The following DGKG variants were observed in gnomAD, a reference collection of about 807,000 sequenced individuals.
DGKG encodes the protein diacylglycerol kinase gamma.
Under a neutral mutation model 105.3 loss-of-function variants are expected in DGKG, and 78 were observed. That is an observed-to-expected ratio of 0.74 (90% CI 0.62 to 0.89). The LOEUF (loss-of-function observed/expected upper bound fraction) is 0.89. DGKG is among the 40% of genes least tolerant of loss of function. DGKG has a pLI of 0.00. For synonymous variants in DGKG, 346 were observed against 367.1 expected (o/e 0.94, Z 0.66); for missense variants, 958 against 1,020.1 (o/e 0.94, Z 0.83).
chr3:186,344,447 G>T (rs1726234786), intron 1 of DGKG, among the ~76,000 whole-genome samples: 1 of 152,170 alleles, frequency 6.6e-6, no homozygotes, highest in Non-Finnish European at 1.5e-5. Flanking sequence ...ATGGATGCAG[G>T]AACATGGATG....
chr3:186,214,324 G>A (rs1719177470), intron 20 of DGKG, among the ~76,000 whole-genome samples: 1 of 152,150 alleles, frequency 6.6e-6, no homozygotes, highest in Non-Finnish European at 1.5e-5. Context: ...GCTTCAAGAG[G>A]TAGTTGAAAA....
At chr3:186,329,068 C>G (rs1725483128) in intron 1 of DGKG, among the ~76,000 whole-genome samples, 1 of 152,150 alleles carries the variant, frequency 6.6e-6, no homozygotes, top group Admixed American at 6.5e-5. Flanking sequence ...TCCATCACTC[C>G]CCTCTCAGAG....
chr3:186,277,443 G>C (rs1722638600), intron 9 of DGKG, among the ~76,000 whole-genome samples: 1 of 152,222 alleles, frequency 6.6e-6, no homozygotes, highest in African/African-American at 2.4e-5. Flanking sequence ...TCAGACTTGG[G>C]TCTTTTGCTG....
chr3:186,335,286 A>T (rs1725779343), intron 1 of DGKG, among the ~76,000 whole-genome samples: 1 of 152,174 alleles, frequency 6.6e-6, no homozygotes, highest in African/African-American at 2.4e-5. Flanking sequence ...CATATTGGTT[A>T]GGCTGGTCTC....
intron 22 of DGKG, among the ~76,000 whole-genome samples, chr3:186,172,970 G>A (rs1304691014): frequency 1.3e-5 from 2 of 152,236 alleles, no homozygotes; most frequent in Admixed American, 1.3e-4. Flanking sequence ...AGGTCAAAGT[G>A]CCAGCAGGGT....
chr3:186,194,097 G>A (rs1186413835), intron 21 of DGKG, among the ~76,000 whole-genome samples: 1 of 152,242 alleles, frequency 6.6e-6, no homozygotes, highest in Non-Finnish European at 1.5e-5. Flanking sequence ...TGCCGGCCAC[G>A]TTCAACTGTG....
chr3:186,248,227 T>G (rs1721038816), intron 19 of DGKG, among the ~76,000 whole-genome samples: 1 of 152,132 alleles, frequency 6.6e-6, no homozygotes, highest in Non-Finnish European at 1.5e-5. Flanking sequence ...GGGAACCATG[T>G]TTTTGTCAGC....
chr3:186,210,564 G>A lies in DGKG; in HGVS notation c.1917+1231C>T, dbSNP rs1578669869. ...CCGAAGAGGAGAGGCAGGCAGATGA[G>A]TCAAATGCAGCCGCACAGAACCTCT... is the stretch of plus-strand genomic sequence containing the variant. On this transcript the variant is annotated intron_variant, in intron 21 of 24. Transcript: ENST00000265022. The surrounding 1 kb of genome is among the most constrained non-coding windows in gnomAD (Gnocchi z 5.2). 7 of 453,412 alleles carry A rather than the reference G, an allele frequency of 1.5e-5. No individual in the cohort carries two copies. The highest frequency in any genetic ancestry group is 6.4e-4 in the Middle Eastern group (1 of 1,568). 28.1% of individuals were successfully genotyped at this position (453,412 alleles called of 1,614,324 possible).
At chr3:186,216,808 G>A (rs766584228) in intron 20 of DGKG, among the ~76,000 whole-genome samples, 15 of 152,220 alleles carry the variant, frequency 9.9e-5, no homozygotes, top group South Asian at 2.1e-4. Flanking sequence ...GCCCTTGTTG[G>A]AGGACCGTTG....
At chr3:186,297,057 GTCTGTC>G (rs1374479502) in intron 5 of DGKG, among the ~76,000 whole-genome samples, 8 of 80,912 alleles carry the variant, frequency 9.9e-5, no homozygotes, top group African/African-American at 3.8e-4. Flanking sequence ...CTGTCTGTCT[GTCTGTC>G]TCTCTCACAC....
At chr3:186,254,918 C>T (rs765840134) in intron 17 of DGKG, among the ~76,000 whole-genome samples, 7 of 152,218 alleles carry the variant, frequency 4.6e-5, no homozygotes, top group Non-Finnish European at 8.8e-5. Flanking sequence ...TGCCTTTCTC[C>T]CTAGCCTCAT....
chr3:186,243,581 C>T (rs1720788919), intron 19 of DGKG, among the ~76,000 whole-genome samples: 3 of 152,158 alleles, frequency 2.0e-5, no homozygotes, highest in African/African-American at 7.2e-5. Context: ...TGTCTTTCCT[C>T]CTCAAACTCG....
intron 23 of DGKG, among the ~76,000 whole-genome samples, chr3:186,162,943 C>G (rs771271719): frequency 6.6e-6 from 1 of 152,212 alleles, no homozygotes; most frequent in Non-Finnish European, 1.5e-5. Flanking sequence ...TAGGAATACT[C>G]TCCCCAGAGG....
intron 14 of DGKG, among the ~76,000 whole-genome samples, chr3:186,263,482 G>T (rs183748637): frequency 6.6e-6 from 1 of 152,070 alleles, no homozygotes; most frequent in Non-Finnish European, 1.5e-5. Context: ...CAGGAGAATC[G>T]CTTGAACCCG....
At chr3:186,331,137 A>G (rs1401089639) in intron 1 of DGKG, among the ~76,000 whole-genome samples, 1 of 152,250 alleles carries the variant, frequency 6.6e-6, no homozygotes, top group Admixed American at 6.5e-5. Flanking sequence ...AACTAATATG[A>G]TAATTATGAA....
In DGKG at chr3:186,354,049, G is replaced by A. The variant is rs60301288; in HGVS notation, c.-249+7897C>T. On this transcript the variant is annotated intron_variant, in intron 1 of 24. Coordinates refer to ENST00000265022, the MANE Select transcript of DGKG (RefSeq NM_001346.3). ...GACTTCCACCAGTGAATATCTTTAT[G>A]TCAGGTTCTGGGGATCAGGAACATC... Among the ~76,000 whole-genome samples the A allele has an allele frequency of 2.6e-3, 398 of 152,280 alleles. 2 individuals are homozygous for A. The highest frequency in any genetic ancestry group is 0.014 in the Middle Eastern group (4 of 294).
chr3:186,302,484 A>G lies in DGKG; in HGVS notation c.145-4255T>C, dbSNP rs1445587915. On this transcript the variant is annotated intron_variant, in intron 3 of 24. Coordinates refer to ENST00000265022, the MANE Select transcript of DGKG (RefSeq NM_001346.3). ...GCTATATATATATATATATATATATATATATATATATATATATATATACAT... is the reference window on the plus strand; with the variant it reads ...GCTATATATATATATATATATATATGTATATATATATATATATATATACAT... 8.9e-3 allele frequency among the ~76,000 whole-genome samples: 79 copies of G among 8,856 alleles called. 1 individual carries two copies. Among genetic ancestry groups the G allele is most frequent in the Admixed American group, 0.014 (14 of 988 alleles). 5.8% of individuals were successfully genotyped at this position (8,856 alleles called of 152,430 possible).
At chr3:186,242,373 T>C in intron 20 of DGKG, 131 bp downstream of exon 20, 3 of 677,496 alleles carry the variant, frequency 4.4e-6, no homozygotes, top group Non-Finnish European at 7.3e-6. Context: ...AAACCCTCCT[T>C]CCGGCAAGTG....
At chr3:186,289,464 T>TAA (rs1723220110) in intron 5 of DGKG, among the ~76,000 whole-genome samples, 2 of 152,196 alleles carry the variant, frequency 1.3e-5, no homozygotes, top group Admixed American at 6.5e-5. Context: ...AAGAATGGGG[T>TAA]AAGTTTTCCC....
Sources: allele counts gnomAD v4.1 joint callset (sites outside exome capture counted in the v4.1 genomes callset), GRCh38; gene constraint gnomAD v4.1.1; non-coding constraint Gnocchi (gnomAD v3.1); transcripts MANE v1.5; gene names NCBI Gene and HGNC (gene_info 2026-07-23, HGNC 2026-07-21).